The following SELENON variants were observed in gnomAD, a reference collection of about 807,000 sequenced individuals.
SELENON encodes the protein selenoprotein N, 1.
Under a neutral mutation model 59.5 loss-of-function variants are expected in SELENON, and 44 were observed. The observed-to-expected ratio is 0.74, with a 90% CI of 0.58 to 0.95. The LOEUF is 0.95. SELENON is among the 40% of genes least tolerant of loss of function. SELENON has a pLI of 0.00. For missense variants in SELENON, 674 were observed against 721.4 expected (o/e 0.93, Z 0.75); for synonymous variants, 320 against 305.6 (o/e 1.05, Z -0.49).
intron 10 of SELENON, among the ~76,000 whole-genome samples, chr1:25,813,136 G>C (rs546145347): frequency 6.6e-6 from 1 of 152,174 alleles, no homozygotes; most frequent in Non-Finnish European, 1.5e-5. Flanking sequence ...TGAAAGTGCC[G>C]CATACACTGT....
chr1:25,811,633 C>A lies in SELENON; in HGVS notation c.1093-58C>A, dbSNP rs543737913. 1.9e-6 allele frequency: 3 copies of A among 1,597,982 alleles called. No individual in the cohort carries two copies. In the African/African-American group the frequency reaches 4.0e-5, roughly 21 times the overall value. ...GCATTTTGGAGGGTCTCTAGGGGAGCCCCTGAGGATTCTTGCCCATCTCTG... is the reference window on the plus strand; with the variant it reads ...GCATTTTGGAGGGTCTCTAGGGGAGACCCTGAGGATTCTTGCCCATCTCTG... On this transcript the variant is annotated intron_variant, in intron 8 of 12. Coordinates refer to ENST00000361547, the MANE Select transcript of SELENON (RefSeq NM_020451.3).
At chr1:25,811,367 G>A in intron 7 of SELENON, 87 bp from the exon 7 acceptor site, 1 of 1,162,288 alleles carries the variant, frequency 8.6e-7, no homozygotes, top group South Asian at 1.2e-5. Context: ...TCTGGAAAGT[G>A]GAGACAGTTG....
intron 4 of SELENON, among the ~76,000 whole-genome samples, chr1:25,806,863 C>T (rs989274753): frequency 2.0e-5 from 3 of 148,970 alleles, no homozygotes; most frequent in African/African-American, 7.4e-5. Flanking sequence ...GCTCTGTCGC[C>T]CAGGCTGGAG....
rs2048026917 is a variant in SELENON, at chr1:25,817,987, A to G, written c.*2269A>G. The G allele has an allele frequency of 6.6e-6, 1 of 152,102 alleles. No homozygotes were observed. The highest frequency in any genetic ancestry group is 1.5e-5 in the Non-Finnish European group (1 of 68,150). The allele number at this position is 152,102 out of a possible 1,614,324, so 9.4% of individuals were successfully genotyped here. A position where few individuals can be genotyped will look rare whatever the true frequency, so the allele number is the denominator to read the frequency against. On this transcript the variant is annotated 3_prime_UTR_variant, in exon 13 of 13. Transcript: ENST00000361547. ...CAGGCACAGGTGACGGGGGCAGCCC[A>G]TGCGAGCCCTTCTCCTGCTGCTCTG...
chr1:25,815,499 C>A, intron 12 of SELENON, 49 bp from the exon 12 acceptor site: 1 of 1,559,716 alleles, frequency 6.4e-7, no homozygotes, highest in Non-Finnish European at 8.8e-7. Flanking sequence ...GCACAGGGAG[C>A]CTGGGGGCCC....
Position 25,811,518 on chromosome 1 carries a change from A to G in SELENON, c.1075A>G (p.Ile359Val), listed in dbSNP as rs201316362. 40 of 1,614,148 alleles carry G rather than the reference A, an allele frequency of 2.5e-5. No individual in the cohort carries two copies. Among genetic ancestry groups the G allele is most frequent in the East Asian group, 2.2e-4 (10 of 44,886 alleles). Residue 359 changes from isoleucine (I) to valine (V), a missense_variant, in exon 8 of 13, where the codon ATC becomes GTC. Ile to Val is a conservative substitution (Grantham distance 29). Coordinates refer to ENST00000361547, the MANE Select transcript of SELENON (RefSeq NM_020451.3). ...TGAAAGCAGCAACATGGAGGTGGACATCGGCTACATACCCCAGGTGAGCGC... is the reference window on the plus strand; with the variant it reads ...TGAAAGCAGCAACATGGAGGTGGACGTCGGCTACATACCCCAGGTGAGCGC...
At chr1:25,815,405 G>C in intron 12 of SELENON, 143 bp from the exon 12 acceptor site, 1 of 719,742 alleles carries the variant, frequency 1.4e-6, no homozygotes, top group Non-Finnish European at 2.4e-6. Flanking sequence ...GAGGGCTTAC[G>C]GCAGCACTGC....
Position 25,811,765 on chromosome 1 carries a change from C to T in SELENON, c.1167C>T (p.His389=). The change falls in exon 9 of 13, where the codon CAC becomes CAT. Residue 389 remains histidine (H), a synonymous_variant. Transcript: ENST00000361547. ...AGGATGGCAGCATGATCGACAGCCA[C>T]CTGCCTTCAGGGGAGCCCCTGCAGT... is the stretch of plus-strand genomic sequence containing the variant. The T allele has an allele frequency of 6.3e-7, 1 of 1,596,462 alleles. No homozygotes were observed.
chr1:25,809,558 C>T, intron 6 of SELENON, 125 bp from the exon 6 acceptor site: 1 of 1,355,610 alleles, frequency 7.4e-7, no homozygotes, highest in Non-Finnish European at 1.0e-6. Context: ...CTCGCTGCTG[C>T]CCACTGGCCC....
chr1:25,809,234 C>T (rs1362308534), intron 6 of SELENON, 84 bp downstream of exon 5: 4 of 1,585,024 alleles, frequency 2.5e-6, no homozygotes, highest in East Asian at 4.5e-5. Context: ...GCTTGAGCCC[C>T]CCAGCTCCAC....
At chr1:25,804,792 A>C (rs2047891445) in intron 3 of SELENON, among the ~76,000 whole-genome samples, 1 of 152,090 alleles carries the variant, frequency 6.6e-6, no homozygotes. Flanking sequence ...AGTTCCTCTC[A>C]GTCCCAGAAG....
chr1:25,801,465 A>G (rs1382161103), intron 2 of SELENON, among the ~76,000 whole-genome samples: 1 of 152,222 alleles, frequency 6.6e-6, no homozygotes, highest in African/African-American at 2.4e-5. Context: ...GTTCAAGACC[A>G]GCCTGGTCAA....
chr1:25,811,277 G>GA (rs1183374315), intron 7 of SELENON, among the ~76,000 whole-genome samples, 177 bp from the exon 7 acceptor site: 4 of 152,224 alleles, frequency 2.6e-5, no homozygotes, highest in Non-Finnish European at 5.9e-5. Flanking sequence ...GCCTGGTGGG[G>GA]AAGAGGGCCA....
rs1271728588 is a variant in SELENON, at chr1:25,807,874, C to T, written c.538-706C>T. Among the ~76,000 whole-genome samples the T allele has an allele frequency of 2.0e-5, 3 of 152,164 alleles. No homozygotes were observed. The highest frequency in any genetic ancestry group is 2.1e-4 in the South Asian group (1 of 4,830). ...GAGCCATCAGCTTGTCAGACAGAGG[C>T]GAGGCAGGTCACCGATGAGGACTCG... On this transcript the variant is annotated intron_variant, in intron 4 of 12. Coordinates refer to ENST00000361547, the MANE Select transcript of SELENON (RefSeq NM_020451.3). The surrounding 1 kb of genome is among the most constrained non-coding windows in gnomAD (Gnocchi z 4.5).
intron 3 of SELENON, 107 bp from the exon 3 acceptor site, chr1:25,805,035 C>A: frequency 6.8e-7 from 1 of 1,473,738 alleles, no homozygotes; most frequent in Admixed American, 1.7e-5. Context: ...CCCCAGCTAC[C>A]CCCACCCCCT....
At position 25,807,472 on chromosome 1, in the gene SELENON, T is replaced by C. The variant is rs985014841; in HGVS notation, c.538-1108T>C. On this transcript the variant is annotated intron_variant, in intron 4 of 12. Coordinates refer to ENST00000361547, the MANE Select transcript of SELENON (RefSeq NM_020451.3). This position sits in a 1 kb window ranked among gnomAD's most constrained non-coding sequence, Gnocchi z 4.5. Reference sequence around the variant, plus strand: ...GAACCCATCTCCATGGATTTGGCAGTGATGGGCTGGTCTGAGCAGATAAGT... The same window carrying C: ...GAACCCATCTCCATGGATTTGGCAGCGATGGGCTGGTCTGAGCAGATAAGT... 4.6e-5 allele frequency among the ~76,000 whole-genome samples: 7 copies of C among 152,162 alleles called. No individual in the cohort carries two copies. Among genetic ancestry groups the C allele is most frequent in the African/African-American group, 1.7e-4 (7 of 41,444 alleles).
intron 2 of SELENON, 29 bp downstream of exon 2, chr1:25,801,189 G>A: frequency 6.3e-7 from 1 of 1,579,376 alleles, no homozygotes; most frequent in Non-Finnish European, 8.7e-7. Context: ...GGCTGGGGAG[G>A]AGGGCGCCTT....
chr1:25,806,233 A>C (rs575766838), intron 4 of SELENON, among the ~76,000 whole-genome samples: 109 of 152,328 alleles, frequency 7.2e-4, no homozygotes, highest in Non-Finnish European at 1.2e-3. Flanking sequence ...CATCCCAATC[A>C]GTGGGGCCAG....
intron 1 of SELENON, among the ~76,000 whole-genome samples, chr1:25,800,678 C>T (rs995520177): frequency 6.6e-6 from 1 of 151,786 alleles, no homozygotes; most frequent in Non-Finnish European, 1.5e-5. Flanking sequence ...GACCTGGACA[C>T]AGTGAAGCTG....
Sources: allele counts gnomAD v4.1 joint callset (sites outside exome capture counted in the v4.1 genomes callset), GRCh38; gene constraint gnomAD v4.1.1; non-coding constraint Gnocchi (gnomAD v3.1); transcripts MANE v1.5; gene names NCBI Gene and HGNC (gene_info 2026-07-23, HGNC 2026-07-21).